Variants in COMMD10 observed in about 807,000 individuals in gnomAD.
The protein encoded by COMMD10 is COMM domain-containing protein 10.
Under a neutral mutation model 28.9 loss-of-function variants are expected in COMMD10, and 33 were observed. The observed-to-expected ratio is 1.14, with a 90% CI of 0.87 to 1.53. The LOEUF (loss-of-function observed/expected upper bound fraction) is 1.53. COMMD10 is among the 40% of genes most tolerant of loss of function. The pLI, the probability that COMMD10 is intolerant of heterozygous loss-of-function variation, is 0.00. For missense variants in COMMD10, 310 were observed against 233.4 expected (o/e 1.33, Z -2.14); for synonymous variants, 110 against 81.7 (o/e 1.35, Z -1.87).
At chr5:116,086,545 G>GC (rs1416791771) in intron 1 of COMMD10, among the ~76,000 whole-genome samples, 1 of 151,840 alleles carries the variant, frequency 6.6e-6, no homozygotes, top group Non-Finnish European at 1.5e-5. Flanking sequence ...TGCAGCCTCC[G>GC]CCTCCTGTGT....
intron 5 of COMMD10, among the ~76,000 whole-genome samples, chr5:116,201,982 A>G (rs1427019186): frequency 1.3e-5 from 2 of 151,340 alleles, no homozygotes; most frequent in Non-Finnish European, 1.5e-5. Flanking sequence ...GGTGTGCTGC[A>G]CCCATTAACT....
At chr5:116,176,978 A>C (rs1753534081) in intron 5 of COMMD10, among the ~76,000 whole-genome samples, 1 of 152,162 alleles carries the variant, frequency 6.6e-6, no homozygotes, top group Non-Finnish European at 1.5e-5. Flanking sequence ...ACCTTGTTAG[A>C]GAAGGTACAA....
intron 5 of COMMD10, among the ~76,000 whole-genome samples, chr5:116,154,143 G>T (rs1372884445): frequency 6.6e-6 from 1 of 151,894 alleles, no homozygotes; most frequent in Non-Finnish European, 1.5e-5. Flanking sequence ...TTACTTAACT[G>T]CTTTGTAGAG....
chr5:116,293,089 T>C lies in COMMD10; in HGVS notation c.*600T>C. The C allele has an allele frequency of 2.5e-6, 1 of 396,972 alleles. No individual in the cohort carries two copies. The highest frequency in any genetic ancestry group is 4.4e-6 in the Non-Finnish European group (1 of 224,952). 24.6% of individuals were successfully genotyped at this position (396,972 alleles called of 1,614,324 possible). A position where few individuals can be genotyped will look rare whatever the true frequency, so the allele number is the denominator to read the frequency against. On this transcript the variant is annotated 3_prime_UTR_variant, in exon 7 of 7. Coordinates refer to ENST00000274458, the MANE Select transcript of COMMD10 (RefSeq NM_016144.4). ...CTCTCTCAGTTTAATGATTTAATAATAGTCCAGGTTTTTGTGTGTTTTTCT... is the reference window on the plus strand; with the variant it reads ...CTCTCTCAGTTTAATGATTTAATAACAGTCCAGGTTTTTGTGTGTTTTTCT...
intron 4 of COMMD10, among the ~76,000 whole-genome samples, chr5:116,126,601 AG>A (rs1024487370): frequency 6.6e-6 from 1 of 151,320 alleles, no homozygotes; most frequent in African/African-American, 2.5e-5. Context: ...AACAGAGTAC[AG>A]CCCTTGGAAA....
At chr5:116,287,404 CTT>C (rs1751246256) in intron 5 of COMMD10, among the ~76,000 whole-genome samples, 1 of 151,742 alleles carries the variant, frequency 6.6e-6, no homozygotes, top group Non-Finnish European at 1.5e-5. Flanking sequence ...CTTCTGCTCT[CTT>C]TTGTTACCAT....
At chr5:116,256,950 T>G (rs1187284200) in intron 5 of COMMD10, among the ~76,000 whole-genome samples, 2 of 151,762 alleles carry the variant, frequency 1.3e-5, no homozygotes, top group African/African-American at 4.9e-5. Context: ...ACATATGTAC[T>G]TAACAGTGAA....
At chr5:116,141,914 C>G (rs1489656773) in intron 5 of COMMD10, among the ~76,000 whole-genome samples, 1 of 151,730 alleles carries the variant, frequency 6.6e-6, no homozygotes, top group Admixed American at 6.6e-5. Context: ...CATCTGCAAA[C>G]AGGAATAATT....
intron 5 of COMMD10, among the ~76,000 whole-genome samples, chr5:116,217,075 TA>T (rs1380763462): frequency 6.6e-6 from 1 of 151,604 alleles, no homozygotes; most frequent in East Asian, 1.9e-4. Flanking sequence ...CATATTTTTA[TA>T]AAATAATTTT....
chr5:116,164,643 C>T (rs1251203665), intron 5 of COMMD10, among the ~76,000 whole-genome samples: 2 of 152,060 alleles, frequency 1.3e-5, no homozygotes, highest in African/African-American at 2.4e-5. Context: ...TACAAATGAC[C>T]ACATGTATCT....
At chr5:116,095,159 G>A (rs1291823503) in intron 4 of COMMD10, among the ~76,000 whole-genome samples, 1 of 152,156 alleles carries the variant, frequency 6.6e-6, no homozygotes, top group African/African-American at 2.4e-5. Flanking sequence ...TTTCAAAATA[G>A]CTAGAATTAA....
chr5:116,264,448 G>A (rs1750529551), intron 5 of COMMD10, among the ~76,000 whole-genome samples: 1 of 151,794 alleles, frequency 6.6e-6, no homozygotes, highest in South Asian at 2.1e-4. Context: ...CACAGCACCT[G>A]ACATTACTGT....
At chr5:116,116,024 A>C (rs1213521712) in intron 4 of COMMD10, among the ~76,000 whole-genome samples, 3 of 152,144 alleles carry the variant, frequency 2.0e-5, no homozygotes, top group Non-Finnish European at 4.4e-5. Flanking sequence ...CCTGCTAAGA[A>C]TGTTCTTTAT....
chr5:116,167,509 T>G (rs528047485), intron 5 of COMMD10, among the ~76,000 whole-genome samples: 1 of 151,824 alleles, frequency 6.6e-6, no homozygotes, highest in East Asian at 1.9e-4. Flanking sequence ...ACAAAGATAC[T>G]CCTCGAGAAG....
At chr5:116,112,637 G>A (rs751662105) in intron 4 of COMMD10, among the ~76,000 whole-genome samples, 15 of 152,144 alleles carry the variant, frequency 9.9e-5, no homozygotes, top group African/African-American at 2.7e-4. Flanking sequence ...CTCATTATCC[G>A]CCTGTGTTGG....
chr5:116,153,377 C>T (rs1010859107), intron 5 of COMMD10, among the ~76,000 whole-genome samples: 3 of 152,054 alleles, frequency 2.0e-5, no homozygotes, highest in Middle Eastern at 3.4e-3. Flanking sequence ...GCTAAGCTAC[C>T]TCATTGTTTC....
intron 4 of COMMD10, among the ~76,000 whole-genome samples, chr5:116,106,893 C>A (rs1750857558): frequency 1.3e-5 from 2 of 152,126 alleles, no homozygotes; most frequent in South Asian, 4.1e-4. Context: ...GATGGGTCTC[C>A]TGAATACAGC....
intron 5 of COMMD10, among the ~76,000 whole-genome samples, chr5:116,142,502 C>G (rs144852054): frequency 6.6e-6 from 1 of 151,842 alleles, no homozygotes; most frequent in East Asian, 1.9e-4. Flanking sequence ...AACAAAACAT[C>G]TTATTTAGTT....
intron 5 of COMMD10, among the ~76,000 whole-genome samples, chr5:116,148,776 G>A (rs1487314333): frequency 6.6e-6 from 1 of 151,728 alleles, no homozygotes. Flanking sequence ...AAATTGAAAG[G>A]ACAACCTGAA....
Sources: gnomAD v4.1 joint callset for allele counts (sites outside exome capture counted in the v4.1 genomes callset) on GRCh38, gnomAD v4.1.1 for gene constraint, MANE v1.5 for transcripts, NCBI Gene and HGNC (gene_info 2026-07-23, HGNC 2026-07-21) for gene names.